The following RBFOX1 variants were observed in gnomAD, a reference collection of about 807,000 sequenced individuals.
RBFOX1 encodes the protein RNA binding protein fox-1 homolog 1.
A neutral mutation model predicts 57.7 loss-of-function variants in RBFOX1; 8 were observed. That is an observed-to-expected ratio of 0.14 (90% CI 0.08 to 0.25). RBFOX1 has a LOEUF of 0.25. Ranked by LOEUF, RBFOX1 falls within the 10% of genes least tolerant of loss-of-function variation. The pLI is 1.00. For synonymous variants in RBFOX1, 326 were observed against 222.4 expected (o/e 1.47, Z -4.15); for missense variants, 611 against 548.5 (o/e 1.11, Z -1.14).
intron 3 of RBFOX1, among the ~76,000 whole-genome samples, chr16:7,031,559 C>G (rs1222120921): frequency 6.6e-6 from 1 of 151,572 alleles, no homozygotes; most frequent in African/African-American, 2.4e-5. Flanking sequence ...CAAGATCATG[C>G]CACTGCACTC....
intron 4 of RBFOX1, among the ~76,000 whole-genome samples, chr16:7,287,850 C>G (rs946688644): frequency 1.3e-5 from 2 of 152,136 alleles, no homozygotes; most frequent in Admixed American, 1.3e-4. Flanking sequence ...TGCATATTAC[C>G]TTCCCCCACC....
intron 3 of RBFOX1, among the ~76,000 whole-genome samples, chr16:6,987,684 T>A (rs1365466860): frequency 2.0e-5 from 3 of 152,306 alleles, no homozygotes; most frequent in Admixed American, 6.5e-5. Flanking sequence ...AATCTAGAAG[T>A]GTGAACTTGG....
chr16:6,640,148 C>T (rs902001033), intron 2 of RBFOX1, among the ~76,000 whole-genome samples: 5 of 152,032 alleles, frequency 3.3e-5, no homozygotes, highest in Admixed American at 6.6e-5. Context: ...TATTTTGATC[C>T]ACATCTACAG....
chr16:6,023,099 A>G (rs1263406245), intron 1 of RBFOX1, among the ~76,000 whole-genome samples: 5 of 152,132 alleles, frequency 3.3e-5, no homozygotes, highest in Non-Finnish European at 5.9e-5. Flanking sequence ...ATAAAGTTTC[A>G]GTAATGTTGT....
intron 3 of RBFOX1, among the ~76,000 whole-genome samples, chr16:6,658,928 GTTTTTTTGT>G (rs1555662284): frequency 2.3e-5 from 2 of 87,564 alleles, no homozygotes; most frequent in African/African-American, 4.3e-5. Flanking sequence ...TTGTTTTTTG[GTTTTTTTGT>G]TTTTTTTGTT....
intron 3 of RBFOX1, among the ~76,000 whole-genome samples, chr16:5,647,314 T>C (rs2049086151): frequency 6.6e-6 from 1 of 152,226 alleles, no homozygotes; most frequent in African/African-American, 2.4e-5. Flanking sequence ...ATCTGCTTAA[T>C]GGTGGACATT....
intron 2 of RBFOX1, among the ~76,000 whole-genome samples, chr16:6,422,323 G>A (rs1721707192): frequency 6.6e-6 from 1 of 151,744 alleles, no homozygotes; most frequent in African/African-American, 2.4e-5. Context: ...CTGAGGTTCG[G>A]GGTGTGGATG....
Position 6,236,680 on chromosome 16 carries a change from A to G in RBFOX1, c.-126-80315A>G, listed in dbSNP as rs111767405. 7.9e-3 allele frequency among the ~76,000 whole-genome samples: 1,208 copies of G among 152,060 alleles called. 16 individuals carry two copies. Among genetic ancestry groups the G allele is most frequent in the African/African-American group, 0.026 (1,071 of 41,452 alleles). ...TGTCCAGGCTGGTCTCAAACTCCTG[A>G]GCTCGGATGATCCACCCACCTCAGA... On this transcript the variant is annotated intron_variant, in intron 1 of 15. Coordinates refer to ENST00000550418, the MANE Select transcript of RBFOX1 (RefSeq NM_018723.4).
At chr16:6,945,942 A>C (rs2079422781) in intron 3 of RBFOX1, among the ~76,000 whole-genome samples, 1 of 152,146 alleles carries the variant, frequency 6.6e-6, no homozygotes, top group African/African-American at 2.4e-5. Context: ...AGGGGCGTTT[A>C]CCATTTCAAG....
At chr16:7,268,885 A>T (rs1000934493) in intron 4 of RBFOX1, among the ~76,000 whole-genome samples, 4 of 151,852 alleles carry the variant, frequency 2.6e-5, no homozygotes, top group Non-Finnish European at 5.9e-5. Context: ...AAAAATACAA[A>T]AATTAGCCAA....
intron 3 of RBFOX1, among the ~76,000 whole-genome samples, chr16:5,778,894 G>A (rs906655021): frequency 2.0e-5 from 3 of 152,118 alleles, no homozygotes; most frequent in African/African-American, 4.8e-5. Context: ...TCCTGTAAAA[G>A]TAAAACGAAA....
intron 3 of RBFOX1, among the ~76,000 whole-genome samples, chr16:6,803,311 C>G (rs935583221): frequency 6.6e-6 from 1 of 152,120 alleles, no homozygotes; most frequent in African/African-American, 2.4e-5. Context: ...GCATTGTTTC[C>G]TTAGTCATTG....
intron 2 of RBFOX1, among the ~76,000 whole-genome samples, chr16:6,341,294 G>C (rs576993164): frequency 6.6e-6 from 1 of 152,022 alleles, no homozygotes; most frequent in Non-Finnish European, 1.5e-5. Context: ...TTTCAAAGCC[G>C]ACAATGGCAG....
At chr16:5,474,036 G>C (rs971562228) in intron 2 of RBFOX1, among the ~76,000 whole-genome samples, 1 of 152,116 alleles carries the variant, frequency 6.6e-6, no homozygotes, top group Non-Finnish European at 1.5e-5. Context: ...ATGGATGGAA[G>C]TAAGGAAGGA....
chr16:7,410,480 G>A (rs2098412861), intron 4 of RBFOX1, among the ~76,000 whole-genome samples: 1 of 152,162 alleles, frequency 6.6e-6, no homozygotes, highest in African/African-American at 2.4e-5. Flanking sequence ...TTGGGAGTTC[G>A]AGACCAGCCT....
At chr16:6,604,916 A>C (rs1601277594) in intron 2 of RBFOX1, among the ~76,000 whole-genome samples, 1 of 152,136 alleles carries the variant, frequency 6.6e-6, no homozygotes, top group East Asian at 1.9e-4. Flanking sequence ...CAGGCAGGTT[A>C]CTTGAGCCCA....
intron 1 of RBFOX1, among the ~76,000 whole-genome samples, chr16:5,379,402 G>C (rs2066073664): frequency 6.7e-6 from 1 of 149,068 alleles, no homozygotes; most frequent in Admixed American, 6.6e-5. Flanking sequence ...GTTACACTTG[G>C]GCCATTCCTA....
intron 2 of RBFOX1, among the ~76,000 whole-genome samples, chr16:6,344,306 C>A (rs2084990315): frequency 6.6e-6 from 1 of 152,056 alleles, no homozygotes; most frequent in Non-Finnish European, 1.5e-5. Flanking sequence ...CCACCTTGGC[C>A]TCCCAAAATG....
At chr16:5,370,376 T>A (rs2065826795) in intron 1 of RBFOX1, among the ~76,000 whole-genome samples, 1 of 152,002 alleles carries the variant, frequency 6.6e-6, no homozygotes, top group Non-Finnish European at 1.5e-5. Context: ...TGGTGCCAGA[T>A]GCTATGAGCT....
Sources: allele counts gnomAD v4.1 joint callset (sites outside exome capture counted in the v4.1 genomes callset), GRCh38; gene constraint gnomAD v4.1.1; transcripts MANE v1.5; gene names NCBI Gene and HGNC (gene_info 2026-07-23, HGNC 2026-07-21).